The following STPG2 variants were observed in gnomAD, a reference collection of about 807,000 sequenced individuals.
STPG2 encodes sperm tail PG-rich repeat containing 2.
Under a neutral mutation model 54.2 loss-of-function variants are expected in STPG2, and 56 were observed. The observed-to-expected ratio is 1.03, with a 90% confidence interval of 0.83 to 1.29. STPG2 has a LOEUF of 1.29. STPG2 is among the 50% of genes most tolerant of loss of function. The pLI, the probability that STPG2 is intolerant of heterozygous loss-of-function variation, is 0.00. For missense variants in STPG2, 596 were observed against 544.9 expected (o/e 1.09, Z -0.93); for synonymous variants, 200 against 181.8 (o/e 1.10, Z -0.81).
rs1411999014 is a variant in STPG2, at chr4:98,019,740, G to A, written c.613-38422C>T. ...CTTGAAGAGGTCCTTCACGTCCCTC[G>A]TAAGGTGGATTCCTAGGTATTTTAT... On this transcript the variant is annotated intron_variant, in intron 5 of 10. Transcript: ENST00000295268. Among the ~76,000 whole-genome samples, 180 of 123,676 alleles carry A rather than the reference G, an allele frequency of 1.5e-3. 29 individuals carry two copies. Among genetic ancestry groups the A allele is most frequent in the East Asian group, 1.5e-3 (7 of 4,606 alleles). 81.1% of individuals were successfully genotyped at this position (123,676 alleles called of 152,430 possible).
At chr4:97,916,566 CA>C (rs1578687556) in intron 8 of STPG2, 1 of 152,734 alleles carries the variant, frequency 6.5e-6, no homozygotes. Flanking sequence ...AGACCTTCTT[CA>C]GGAGCAGAAG....
At chr4:97,905,111 C>T (rs1731353233) in intron 8 of STPG2, among the ~76,000 whole-genome samples, 2 of 151,604 alleles carry the variant, frequency 1.3e-5, no homozygotes, top group South Asian at 4.2e-4. Flanking sequence ...GAGAACGCCA[C>T]AAAGATACTC....
chr4:98,047,279 A>G (rs1016784885), intron 5 of STPG2, among the ~76,000 whole-genome samples: 2 of 152,190 alleles, frequency 1.3e-5, no homozygotes, highest in African/African-American at 4.8e-5. Context: ...GACAAGGAGA[A>G]GCTGGAGACC....
intron 10 of STPG2, among the ~76,000 whole-genome samples, chr4:97,627,047 T>C (rs1734154088): frequency 6.6e-6 from 1 of 152,160 alleles, no homozygotes; most frequent in Non-Finnish European, 1.5e-5. Flanking sequence ...TCACATGCTC[T>C]ACCAAATCCA....
At chr4:97,732,685 G>A (rs576205613) in intron 9 of STPG2, among the ~76,000 whole-genome samples, 20 of 151,934 alleles carry the variant, frequency 1.3e-4, no homozygotes, top group African/African-American at 2.4e-4. Flanking sequence ...TGCAAGCTAC[G>A]CATCTGACAA....
intron 4 of STPG2, among the ~76,000 whole-genome samples, chr4:97,518,238 T>C (rs1731114408): frequency 6.6e-6 from 1 of 152,078 alleles, no homozygotes; most frequent in African/African-American, 2.4e-5. Flanking sequence ...ACAAAGAGTA[T>C]GTAAATACTC....
chr4:98,044,539 A>C (rs2149309423), intron 5 of STPG2, among the ~76,000 whole-genome samples: 1 of 152,216 alleles, frequency 6.6e-6, no homozygotes, highest in South Asian at 2.1e-4. Flanking sequence ...CCTCAGGCTG[A>C]GAGATTTGGG....
intron 10 of STPG2, among the ~76,000 whole-genome samples, chr4:97,706,742 T>C (rs1427193898): frequency 2.0e-5 from 3 of 152,132 alleles, no homozygotes; most frequent in Admixed American, 1.3e-4. Context: ...TACCACAGGA[T>C]TGGGCAAAAG....
chr4:97,824,889 C>G (rs1375648924), intron 9 of STPG2, among the ~76,000 whole-genome samples: 2 of 152,096 alleles, frequency 1.3e-5, no homozygotes, highest in Non-Finnish European at 2.9e-5. Flanking sequence ...TGACATTTAC[C>G]ATTTGTTAAT....
chr4:98,017,892 C>A (rs1325074724), intron 5 of STPG2, among the ~76,000 whole-genome samples: 1 of 152,140 alleles, frequency 6.6e-6, no homozygotes, highest in Admixed American at 6.5e-5. Context: ...CTCTCTCTCT[C>A]CTGCTACCTT....
chr4:97,963,234 G>C (rs554349897), intron 7 of STPG2, among the ~76,000 whole-genome samples: 1 of 152,020 alleles, frequency 6.6e-6, no homozygotes. Context: ...TAAGAATAAT[G>C]AACTGTTAGT....
At chr4:97,985,618 T>C (rs980810109) in intron 5 of STPG2, among the ~76,000 whole-genome samples, 1 of 152,214 alleles carries the variant, frequency 6.6e-6, no homozygotes, top group African/African-American at 2.4e-5. Flanking sequence ...ATCACTTATA[T>C]GTATCTATTC....
At chr4:98,034,627 G>A (rs1192293319) in intron 5 of STPG2, among the ~76,000 whole-genome samples, 2 of 152,104 alleles carry the variant, frequency 1.3e-5, no homozygotes, top group Admixed American at 1.3e-4. Flanking sequence ...CCAAAAAAGA[G>A]CCCTCATAGA....
chr4:97,553,643 T>C (rs1190559754), intron 4 of STPG2, among the ~76,000 whole-genome samples: 1 of 152,194 alleles, frequency 6.6e-6, no homozygotes, highest in Non-Finnish European at 1.5e-5. Flanking sequence ...GGGTCAAATT[T>C]ACTCTGCTTC....
At chr4:97,569,896 A>C (rs1029474603) in intron 10 of STPG2, among the ~76,000 whole-genome samples, 6 of 152,158 alleles carry the variant, frequency 3.9e-5, no homozygotes, top group Non-Finnish European at 7.4e-5. Context: ...CAAATGATGA[A>C]AATTAATCTC....
chr4:97,696,854 C>G (rs1033245448), intron 10 of STPG2, among the ~76,000 whole-genome samples: 4 of 152,058 alleles, frequency 2.6e-5, no homozygotes, highest in African/African-American at 9.7e-5. Flanking sequence ...TGCAAGAATG[C>G]CCATAATCAA....
chr4:97,547,261 A>G (rs1731853855), intron 4 of STPG2, among the ~76,000 whole-genome samples: 1 of 150,684 alleles, frequency 6.6e-6, no homozygotes, highest in Non-Finnish European at 1.5e-5. Context: ...CCCAGGCTGG[A>G]GTGCCATGGC....
intron 10 of STPG2, among the ~76,000 whole-genome samples, chr4:97,694,906 C>A (rs1159085904): frequency 7.3e-6 from 1 of 137,564 alleles, no homozygotes; most frequent in East Asian, 2.2e-4. Flanking sequence ...TTCTACGAGA[C>A]ATTCAAAGAA....
chr4:97,715,902 C>T (rs1299223663), intron 9 of STPG2, among the ~76,000 whole-genome samples: 1 of 152,134 alleles, frequency 6.6e-6, no homozygotes, highest in African/African-American at 2.4e-5. Context: ...TCAGAGTGAA[C>T]AGGCAACCTA....
Sources: allele counts gnomAD v4.1 joint callset (sites outside exome capture counted in the v4.1 genomes callset), GRCh38; gene constraint gnomAD v4.1.1; transcripts MANE v1.5; gene names NCBI Gene and HGNC (gene_info 2026-07-23, HGNC 2026-07-21).